Variants in OSBPL1A observed in about 807,000 individuals in gnomAD.
OSBPL1A encodes the protein oxysterol binding protein like 1A, also known as oxysterol-binding protein-related protein 1.
OSBPL1A carries 80 observed loss-of-function variants against 137.1 expected under a neutral mutation model. That is an observed-to-expected ratio of 0.58 (90% confidence interval 0.49 to 0.70). OSBPL1A has a LOEUF of 0.70. Among genes scored for constraint, OSBPL1A ranks in the 30% least tolerant of loss-of-function variants. The pLI is 0.00. For synonymous variants in OSBPL1A, 365 were observed against 389.7 expected (o/e 0.94, Z 0.75); for missense variants, 970 against 1,129.4 (o/e 0.86, Z 2.02).
chr18:24,336,350 T>C (rs1406238042), intron 5 of OSBPL1A, among the ~76,000 whole-genome samples: 2 of 152,154 alleles, frequency 1.3e-5, no homozygotes, highest in African/African-American at 4.8e-5. Flanking sequence ...GAATATGGAG[T>C]TGAAAATACT....
Position 24,225,033 on chromosome 18 carries a change from C to T in OSBPL1A, c.1601+9G>A, listed in dbSNP as rs200000947. 7.4e-6 allele frequency: 12 copies of T among 1,613,952 alleles called. No individual in the cohort carries two copies. In the East Asian group the frequency reaches 8.9e-5, roughly 12 times the overall value. On this transcript the variant is annotated intron_variant, in intron 17 of 27. Transcript: ENST00000319481. ...ACGCAGCAGTGACAACTGTCAGAGGCGATCCTACCTGTGTTTCTTGATGCC... is the reference window on the plus strand; with the variant it reads ...ACGCAGCAGTGACAACTGTCAGAGGTGATCCTACCTGTGTTTCTTGATGCC...
At chr18:24,252,766 T>A (rs539587657) in intron 15 of OSBPL1A, among the ~76,000 whole-genome samples, 1 of 152,168 alleles carries the variant, frequency 6.6e-6, no homozygotes, top group East Asian at 1.9e-4. Flanking sequence ...ACAACAACTT[T>A]TCAAGACATA....
intron 4 of OSBPL1A, among the ~76,000 whole-genome samples, chr18:24,349,332 G>C (rs1459049884): frequency 6.6e-6 from 1 of 152,050 alleles, no homozygotes; most frequent in Non-Finnish European, 1.5e-5. Context: ...TGAAAGACAT[G>C]AAAATGTGGA....
intron 14 of OSBPL1A, among the ~76,000 whole-genome samples, chr18:24,290,789 A>C (rs2090162197): frequency 2.0e-5 from 3 of 152,204 alleles, no homozygotes; most frequent in Admixed American, 2.0e-4. Context: ...TTGGCCTCCC[A>C]AATCAAGTGG....
intron 23 of OSBPL1A, 88 bp downstream of exon 23, chr18:24,171,321 T>C (rs2086280378): frequency 8.7e-6 from 9 of 1,039,812 alleles, no homozygotes; most frequent in South Asian, 1.5e-5. Flanking sequence ...TGTGAGCCAC[T>C]GTGCCCAGCC....
At chr18:24,269,287 T>A (rs2146054154) in intron 15 of OSBPL1A, among the ~76,000 whole-genome samples, 1 of 152,334 alleles carries the variant, frequency 6.6e-6, no homozygotes, top group African/African-American at 2.4e-5. Context: ...ATAAGCATAC[T>A]TTACAAAGTC....
chr18:24,321,041 A>G (rs564105621), intron 7 of OSBPL1A, among the ~76,000 whole-genome samples: 142 of 70,496 alleles, frequency 2.0e-3, no homozygotes, highest in African/African-American at 4.5e-3. Flanking sequence ...AAAAAAAAAA[A>G]AAAAGAAAAG....
intron 21 of OSBPL1A, among the ~76,000 whole-genome samples, chr18:24,175,111 T>TATATATATATATATATAC (rs2086400196): frequency 8.6e-4 from 12 of 13,978 alleles, no homozygotes; most frequent in Non-Finnish European, 1.4e-3. Context: ...TGTGTATGTA[T>TATATATATATATATATAC]ATATATATAT....
At chr18:24,351,683 G>C (rs1418707850) in intron 4 of OSBPL1A, among the ~76,000 whole-genome samples, 2 of 152,122 alleles carry the variant, frequency 1.3e-5, no homozygotes, top group African/African-American at 4.8e-5. Context: ...GGGATTATAG[G>C]TGTGTGCCAC....
chr18:24,239,924 T>TA (rs2088631827), intron 15 of OSBPL1A, among the ~76,000 whole-genome samples: 1 of 70,754 alleles, frequency 1.4e-5, no homozygotes. Context: ...TTCATTTTTC[T>TA]CTTTTTTTTT....
At chr18:24,205,986 GT>G (rs2087362712) in intron 17 of OSBPL1A, among the ~76,000 whole-genome samples, 1 of 152,158 alleles carries the variant, frequency 6.6e-6, no homozygotes, top group South Asian at 2.1e-4. Flanking sequence ...CGCCTCTGGG[GT>G]TCAAGTGATT....
intron 4 of OSBPL1A, among the ~76,000 whole-genome samples, chr18:24,363,977 C>T (rs1435626053): frequency 6.6e-6 from 1 of 151,932 alleles, no homozygotes; most frequent in South Asian, 2.1e-4. Context: ...TACAATGGGC[C>T]CACCGAGATA....
chr18:24,173,506 G>T (rs986167831), intron 21 of OSBPL1A, among the ~76,000 whole-genome samples: 3 of 152,026 alleles, frequency 2.0e-5, no homozygotes, highest in African/African-American at 7.2e-5. Context: ...TTCACCTCCC[G>T]GGTTCAAGTG....
intron 21 of OSBPL1A, among the ~76,000 whole-genome samples, chr18:24,175,467 C>T (rs751151001): frequency 1.3e-5 from 2 of 152,100 alleles, no homozygotes; most frequent in African/African-American, 2.4e-5. Context: ...GGATTACAGG[C>T]ATGAGTCACT....
intron 15 of OSBPL1A, among the ~76,000 whole-genome samples, chr18:24,260,415 C>A (rs931419484): frequency 6.6e-6 from 1 of 152,104 alleles, no homozygotes; most frequent in Non-Finnish European, 1.5e-5. Context: ...GCCCAAATGC[C>A]CATAAATGGA....
In OSBPL1A at chr18:24,333,033, T is replaced by C; in HGVS notation, c.534A>G (p.Thr178=). The C allele has an allele frequency of 6.2e-7, 1 of 1,614,046 alleles. No homozygotes were observed. Among genetic ancestry groups the C allele is most frequent in the South Asian group, 1.1e-5 (1 of 91,064 alleles). The part of the protein sequence containing the change: ...DVNCSDQLGN[T]PLHCAAYRAH... Reference sequence around the variant, plus strand: ...CCCGGTAAGCTGCACAATGCAAGGGTGTATTTCCTAACTGATCCGAACAGT... The same window carrying C: ...CCCGGTAAGCTGCACAATGCAAGGGCGTATTTCCTAACTGATCCGAACAGT... Residue 178 remains threonine, a synonymous_variant, in exon 7 of 28, where the codon ACA becomes ACG. Coordinates refer to ENST00000319481, the MANE Select transcript of OSBPL1A (RefSeq NM_080597.4).
At chr18:24,327,355 G>A (rs1416849159) in intron 7 of OSBPL1A, among the ~76,000 whole-genome samples, 1 of 152,024 alleles carries the variant, frequency 6.6e-6, no homozygotes, top group African/African-American at 2.4e-5. Context: ...GCCATGGCCT[G>A]CCAAAGTGCT....
chr18:24,248,985 AGTC>A (rs1247511993), intron 15 of OSBPL1A, among the ~76,000 whole-genome samples: 1 of 152,266 alleles, frequency 6.6e-6, no homozygotes. Context: ...CTGAAACAAA[AGTC>A]GTGTTCACTC....
intron 17 of OSBPL1A, among the ~76,000 whole-genome samples, chr18:24,197,872 T>C (rs1337340787): frequency 3.3e-5 from 5 of 149,288 alleles, no homozygotes; most frequent in Non-Finnish European, 3.0e-5. Context: ...ACTGCAACCC[T>C]GCCTCCCGGG....
Sources: allele counts gnomAD v4.1 joint callset (sites outside exome capture counted in the v4.1 genomes callset), GRCh38; gene constraint gnomAD v4.1.1; transcripts MANE v1.5; gene names NCBI Gene and HGNC (gene_info 2026-07-23, HGNC 2026-07-21).